Variants in EYS observed in about 807,000 individuals in gnomAD.
EYS encodes EGF-like photoreceptor maintenance factor.
In EYS, 250 loss-of-function variants were observed where a neutral mutation model predicts 282.1. That is an observed-to-expected ratio of 0.89 (90% CI 0.80 to 0.98). The LOEUF is 0.98. Among genes scored for constraint, EYS ranks in the 50% least tolerant of loss-of-function variants. The pLI is 0.00. For synonymous variants in EYS, 1,355 were observed against 1,282.9 expected (o/e 1.06, Z -1.20); for missense variants, 4,016 against 3,709.0 (o/e 1.08, Z -2.15).
intron 1 of EYS, among the ~76,000 whole-genome samples, chr6:65,652,578 C>A (rs1348636310): frequency 6.6e-6 from 1 of 151,616 alleles, no homozygotes; most frequent in African/African-American, 2.4e-5. Flanking sequence ...ATAGAGAGCA[C>A]CTACTCAGTG....
intron 35 of EYS, among the ~76,000 whole-genome samples, chr6:63,910,765 T>C (rs895975967): frequency 6.6e-6 from 1 of 152,226 alleles, no homozygotes; most frequent in Non-Finnish European, 1.5e-5. Context: ...ACCTTTTTTT[T>C]CCTCTAAAAC....
intron 31 of EYS, among the ~76,000 whole-genome samples, chr6:64,225,184 A>T (rs1459687195): frequency 6.6e-6 from 1 of 152,056 alleles, no homozygotes; most frequent in East Asian, 1.9e-4. Context: ...GATTTCATTT[A>T]CTTCCCTCAA....
intron 31 of EYS, among the ~76,000 whole-genome samples, chr6:64,222,123 A>G (rs1049570110): frequency 1.3e-5 from 2 of 152,116 alleles, no homozygotes; most frequent in Admixed American, 1.3e-4. Flanking sequence ...AGGACAGAGA[A>G]TAGAGACATT....
chr6:65,174,791 A>G (rs1039417630), intron 12 of EYS, among the ~76,000 whole-genome samples: 1 of 151,400 alleles, frequency 6.6e-6, no homozygotes, highest in Non-Finnish European at 1.5e-5. Flanking sequence ...AAATTTTCAT[A>G]AGAAATTACA....
At chr6:65,103,899 T>C (rs1484997251) in intron 12 of EYS, among the ~76,000 whole-genome samples, 4 of 151,438 alleles carry the variant, frequency 2.6e-5, no homozygotes, top group Non-Finnish European at 4.4e-5. Context: ...TGCAGTCAGG[T>C]GGTAATTCTT....
intron 35 of EYS, among the ~76,000 whole-genome samples, chr6:63,869,316 G>A (rs1339422120): frequency 6.6e-6 from 1 of 152,046 alleles, no homozygotes; most frequent in Non-Finnish European, 1.5e-5. Flanking sequence ...ATTTTGCAAA[G>A]AAAAATGGAA....
chr6:64,875,623 G>C (rs1766725816), intron 19 of EYS, among the ~76,000 whole-genome samples: 1 of 152,040 alleles, frequency 6.6e-6, no homozygotes, highest in Non-Finnish European at 1.5e-5. Context: ...TGAAGAAGAA[G>C]AAACACTGAA....
chr6:65,446,804 A>G (rs977633448), intron 5 of EYS, among the ~76,000 whole-genome samples: 5 of 147,724 alleles, frequency 3.4e-5, no homozygotes, highest in Non-Finnish European at 7.6e-5. Flanking sequence ...ATATTATTAC[A>G]TAAAAATTAA....
chr6:64,898,804 C>T (rs149354622), intron 18 of EYS, among the ~76,000 whole-genome samples: 2 of 151,220 alleles, frequency 1.3e-5, no homozygotes, highest in East Asian at 1.9e-4. Flanking sequence ...TCAGGTGTTA[C>T]AATCCTAGTC....
chr6:63,900,644 A>G (rs185682239), intron 35 of EYS, among the ~76,000 whole-genome samples: 234 of 151,980 alleles, frequency 1.5e-3, no homozygotes, highest in Non-Finnish European at 2.5e-3. Context: ...GTGAAAAATT[A>G]TGTAAAGTTT....
At chr6:64,418,835 A>C in intron 28 of EYS, among the ~76,000 whole-genome samples, 1 of 151,822 alleles carries the variant, frequency 6.6e-6, no homozygotes, top group East Asian at 1.9e-4. Context: ...TCTATTCCCG[A>C]CTTTGGTTTC....
At chr6:64,328,450 T>C (rs944312459) in intron 29 of EYS, among the ~76,000 whole-genome samples, 2 of 152,052 alleles carry the variant, frequency 1.3e-5, no homozygotes, top group African/African-American at 2.4e-5. Flanking sequence ...GCCACCAATA[T>C]TGGAAAAGTC....
intron 2 of EYS, among the ~76,000 whole-genome samples, chr6:65,624,995 C>T (rs1766646078): frequency 6.6e-6 from 1 of 152,046 alleles, no homozygotes; most frequent in Admixed American, 6.6e-5. Context: ...TAATGTTGTT[C>T]CTCTAGTGAG....
chr6:64,489,556 A>T (rs1582814416), intron 26 of EYS, among the ~76,000 whole-genome samples: 1 of 147,408 alleles, frequency 6.8e-6, no homozygotes, highest in Non-Finnish European at 1.5e-5. Flanking sequence ...TAATATAAAA[A>T]TTTTAATATA....
Position 63,790,279 on chromosome 6 carries a change from G to A in EYS, c.7412-1055C>T, listed in dbSNP as rs566987096. Among the ~76,000 whole-genome samples, 16 of 152,278 alleles carry A rather than the reference G, an allele frequency of 1.1e-4. No individual in the cohort carries two copies. In the South Asian group the frequency reaches 2.9e-3, roughly 28 times the overall value. On this transcript the variant is annotated intron_variant, in intron 37 of 42. Transcript: ENST00000503581. ...TAGTATTACTTTGATCAGGGTAAAG[G>A]AGAGAAAGATCTACAGGGAGGTAGG...
At chr6:64,666,524 G>A (rs1769233210) in intron 22 of EYS, among the ~76,000 whole-genome samples, 1 of 152,116 alleles carries the variant, frequency 6.6e-6, no homozygotes, top group Admixed American at 6.5e-5. Context: ...CTTTCACTGT[G>A]TCAACTTCAA....
At chr6:64,036,558 C>A (rs921525749) in intron 33 of EYS, among the ~76,000 whole-genome samples, 3 of 151,978 alleles carry the variant, frequency 2.0e-5, no homozygotes, top group African/African-American at 7.2e-5. Context: ...GTAAGGAGAC[C>A]ATTGAGGAGC....
chr6:64,266,950 A>T (rs1456342204), intron 30 of EYS, among the ~76,000 whole-genome samples: 1 of 152,190 alleles, frequency 6.6e-6, no homozygotes, highest in Non-Finnish European at 1.5e-5. Flanking sequence ...TGAAGAAAGC[A>T]CTTGCTTATG....
In EYS at chr6:64,766,645, AAAAAATATATATAT is replaced by A. The variant is rs1293946960; in HGVS notation, c.3443+46719_3443+46732del. ...AAACTCCGTCTCAAAAAAAAAAAAA[AAAAAATATATATAT>A]ATATATATATATATATATATATATA... On this transcript the variant is annotated intron_variant, in intron 22 of 42. Coordinates refer to ENST00000503581, the MANE Select transcript of EYS (RefSeq NM_001142800.2). 1.3e-3 allele frequency among the ~76,000 whole-genome samples: 50 copies of A among 37,092 alleles called. No homozygotes were observed. In the East Asian group the frequency reaches 0.034, roughly 26 times the overall value. The allele number at this position is 37,092 out of a possible 152,430, so 24.3% of individuals were successfully genotyped here.
Sources: allele counts gnomAD v4.1 joint callset (sites outside exome capture counted in the v4.1 genomes callset), GRCh38; gene constraint gnomAD v4.1.1; transcripts MANE v1.5; gene names NCBI Gene and HGNC (gene_info 2026-07-23, HGNC 2026-07-21).